The following MTUS2 variants were observed in gnomAD, a reference collection of about 807,000 sequenced individuals.
MTUS2 encodes microtubule-associated tumor suppressor candidate 2.
A neutral mutation model predicts 114.1 loss-of-function variants in MTUS2; 40 were observed. That is an observed-to-expected ratio of 0.35 (90% CI 0.27 to 0.46). The LOEUF (loss-of-function observed/expected upper bound fraction) is 0.46, where lower values mean the gene tolerates loss of function less well. MTUS2 is among the 20% of genes least tolerant of loss of function. The pLI, the probability that MTUS2 is intolerant of heterozygous loss-of-function variation, is 1.00. For synonymous variants in MTUS2, 688 were observed against 672.0 expected (o/e 1.02, Z -0.37); for missense variants, 1,679 against 1,705.4 (o/e 0.98, Z 0.27).
At position 29,496,350 on chromosome 13, in the gene MTUS2, T is replaced by G. The variant is rs1386746794; in HGVS notation, c.3580-888T>G. ...GAGGAGGAGACTGTGTGGACTCAGCTTACGTGGCAGCTCCTATTAAGGACA... is the reference window on the plus strand; with the variant it reads ...GAGGAGGAGACTGTGTGGACTCAGCGTACGTGGCAGCTCCTATTAAGGACA... On this transcript the variant is annotated intron_variant, in intron 12 of 15. Transcript: ENST00000612955. The surrounding 1 kb of genome is among the most constrained non-coding windows in gnomAD (Gnocchi z 4.3). 1 of 152,642 alleles carries G rather than the reference T, an allele frequency of 6.6e-6. No homozygotes were observed. Among genetic ancestry groups the G allele is most frequent in the African/African-American group, 2.4e-5 (1 of 41,426 alleles). 9.5% of individuals were successfully genotyped at this position (152,642 alleles called of 1,614,324 possible).
At chr13:29,301,106 T>A (rs1169447352) in intron 6 of MTUS2, among the ~76,000 whole-genome samples, 1 of 152,212 alleles carries the variant, frequency 6.6e-6, no homozygotes, top group Non-Finnish European at 1.5e-5. Context: ...TAATCAATAG[T>A]CACCCAACCA....
chr13:29,420,640 T>G (rs2388067), intron 8 of MTUS2, among the ~76,000 whole-genome samples: 76,256 of 152,124 alleles, frequency 0.5, 20,844 homozygotes, highest in East Asian at 0.71. Flanking sequence ...TATGGTTCAC[T>G]GGGATCATTC....
intron 5 of MTUS2, among the ~76,000 whole-genome samples, chr13:29,246,717 A>C (rs1336120337): frequency 1.3e-5 from 2 of 152,196 alleles, no homozygotes; most frequent in Non-Finnish European, 2.9e-5. Context: ...TTAGCCCTCC[A>C]CAAGGAAAAC....
chr13:28,858,457 C>G (rs1349182806), intron 2 of MTUS2, among the ~76,000 whole-genome samples: 1 of 152,118 alleles, frequency 6.6e-6, no homozygotes, highest in African/African-American at 2.4e-5. Flanking sequence ...TCTCCTTCCT[C>G]CCATTCTTCA....
intron 5 of MTUS2, among the ~76,000 whole-genome samples, chr13:29,256,626 C>T (rs1431587976): frequency 6.6e-6 from 1 of 152,242 alleles, no homozygotes; most frequent in Non-Finnish European, 1.5e-5. Flanking sequence ...TGGCTAAAAA[C>T]AGAGGAGAAA....
At chr13:29,207,614 C>T (rs1194564019) in intron 5 of MTUS2, among the ~76,000 whole-genome samples, 1 of 151,998 alleles carries the variant, frequency 6.6e-6, no homozygotes, top group African/African-American at 2.4e-5. Context: ...GCTAATTTTG[C>T]TGAGGGTTTT....
At position 29,480,757 on chromosome 13, in the gene MTUS2, T is replaced by C. The variant is rs1335349893; in HGVS notation, c.3399+393T>C. Reference sequence around the variant, plus strand: ...AGTATTAGTGTTCCTTCAGCACTTATCACTAACACATACATTTTTGCTTTT... The same window carrying C: ...AGTATTAGTGTTCCTTCAGCACTTACCACTAACACATACATTTTTGCTTTT... On this transcript the variant is annotated intron_variant, in intron 10 of 15. Coordinates refer to ENST00000612955, the MANE Select transcript of MTUS2 (RefSeq NM_001033602.4). The surrounding 1 kb of genome is among the most constrained non-coding windows in gnomAD (Gnocchi z 4.4). 6.6e-6 allele frequency among the ~76,000 whole-genome samples: 1 copy of C among 152,168 alleles called. No homozygotes were observed. Among genetic ancestry groups the C allele is most frequent in the Non-Finnish European group, 1.5e-5 (1 of 68,028 alleles).
At chr13:29,241,993 T>A (rs1227855878) in intron 5 of MTUS2, among the ~76,000 whole-genome samples, 1 of 152,222 alleles carries the variant, frequency 6.6e-6, no homozygotes, top group Non-Finnish European at 1.5e-5. Context: ...AGCTTTGCGT[T>A]CATCCCAGAT....
chr13:29,375,378 A>C (rs1871513783), intron 8 of MTUS2, among the ~76,000 whole-genome samples: 1 of 142,270 alleles, frequency 7.0e-6, no homozygotes, highest in Non-Finnish European at 1.5e-5. Flanking sequence ...CAAAAACCGC[A>C]ATTACTTACT....
At chr13:29,146,830 T>C (rs1177815166) in intron 5 of MTUS2, among the ~76,000 whole-genome samples, 1 of 152,190 alleles carries the variant, frequency 6.6e-6, no homozygotes, top group Non-Finnish European at 1.5e-5. Flanking sequence ...TGTTGCAGGA[T>C]TGTTTTAAGG....
At chr13:29,381,887 C>T (rs1196298079) in intron 8 of MTUS2, among the ~76,000 whole-genome samples, 1 of 152,104 alleles carries the variant, frequency 6.6e-6, no homozygotes, top group Non-Finnish European at 1.5e-5. Flanking sequence ...ATGAGGGTGA[C>T]GTGAGATAAC....
chr13:29,289,815 A>C (rs1461607094), intron 6 of MTUS2, among the ~76,000 whole-genome samples: 2 of 152,120 alleles, frequency 1.3e-5, no homozygotes, highest in African/African-American at 4.8e-5. Flanking sequence ...GTTAACTGGA[A>C]TGTGAAGAAA....
At position 29,256,625 on chromosome 13, in the gene MTUS2, A is replaced by C. The variant is rs148556508; in HGVS notation, c.2645-25079A>C. Among the ~76,000 whole-genome samples the C allele has an allele frequency of 3.4e-3, 516 of 152,380 alleles. 5 individuals carry two copies. The highest frequency in any genetic ancestry group is 0.012 in the African/African-American group (495 of 41,592). ...TAGACTCATATTTCATTGGCTAAAA[A>C]CAGAGGAGAAAATAAATACAAGACT... On this transcript the variant is annotated intron_variant, in intron 5 of 15. Transcript: ENST00000612955.
chr13:29,061,280 T>C (rs952170581), intron 4 of MTUS2, among the ~76,000 whole-genome samples: 1 of 152,204 alleles, frequency 6.6e-6, no homozygotes, highest in Non-Finnish European at 1.5e-5. Flanking sequence ...TAAAGTAACC[T>C]TTCTTCTAGA....
intron 5 of MTUS2, among the ~76,000 whole-genome samples, chr13:29,237,519 T>C (rs1212217832): frequency 1.3e-5 from 2 of 152,084 alleles, no homozygotes; most frequent in Non-Finnish European, 2.9e-5. Context: ...TGATTTTTGG[T>C]GGGTAAGTCT....
chr13:29,444,402 G>A (rs1425635587), intron 9 of MTUS2, among the ~76,000 whole-genome samples: 2 of 152,182 alleles, frequency 1.3e-5, no homozygotes, highest in Admixed American at 1.3e-4. Context: ...TTGTACTCCA[G>A]CCTGGGCAAC....
chr13:29,173,285 A>G (rs1192454185), intron 5 of MTUS2, among the ~76,000 whole-genome samples: 4 of 152,166 alleles, frequency 2.6e-5, no homozygotes, highest in Admixed American at 1.3e-4. Flanking sequence ...TTCAAGTCCC[A>G]GGTTATGTAA....
At chr13:29,023,537 C>G (rs1389345850) in intron 2 of MTUS2, among the ~76,000 whole-genome samples, 1 of 152,150 alleles carries the variant, frequency 6.6e-6, no homozygotes, top group African/African-American at 2.4e-5. Flanking sequence ...CATACTACCT[C>G]TGAATTCTAA....
chr13:29,220,884 A>G (rs2139320988), intron 5 of MTUS2, among the ~76,000 whole-genome samples: 1 of 152,354 alleles, frequency 6.6e-6, no homozygotes, highest in South Asian at 2.1e-4. Context: ...TCTGCAAAAC[A>G]CAAGAAAGCA....
Sources: gnomAD v4.1 joint callset for allele counts (sites outside exome capture counted in the v4.1 genomes callset) on GRCh38, gnomAD v4.1.1 for gene constraint, Gnocchi (gnomAD v3.1) non-coding constraint, MANE v1.5 for transcripts, NCBI Gene and HGNC (gene_info 2026-07-23, HGNC 2026-07-21) for gene names.